PAPPA2: variants seen among roughly 807,000 people sequenced by gnomAD.
The protein encoded by PAPPA2 is pappalysin-2.
A neutral mutation model predicts 176.4 loss-of-function variants in PAPPA2; 86 were observed. The ratio of observed to expected loss-of-function variants is 0.49; its 90% CI spans 0.41 to 0.58. The LOEUF is 0.58. PAPPA2 is among the 20% of genes least tolerant of loss of function. The pLI, the probability that PAPPA2 is intolerant of heterozygous loss-of-function variation, is 0.00. For synonymous variants in PAPPA2, 809 were observed against 852.2 expected, an observed-to-expected ratio of 0.95 and a Z score of 0.88; for missense variants, 2,073 against 2,256.9, an observed-to-expected ratio of 0.92 and a Z score of 1.65.
chr1:176,711,709 C>T, intron 11 of PAPPA2, 126 bp from the exon 12 acceptor site: 1 of 1,077,738 alleles, frequency 9.3e-7, no homozygotes, highest in Non-Finnish European at 1.3e-6. Context: ...AAGTTTTCTG[C>T]CAATAATGTG....
chr1:176,616,183 C>T (rs954384053), intron 3 of PAPPA2: 63 of 363,372 alleles, frequency 1.7e-4, no homozygotes, highest in Non-Finnish European at 3.1e-4. Context: ...TAGACTTACT[C>T]GCTAAGCCAA....
intron 12 of PAPPA2, among the ~76,000 whole-genome samples, chr1:176,723,165 T>C (rs1306135880): frequency 1.3e-5 from 2 of 152,178 alleles, no homozygotes; most frequent in Non-Finnish European, 2.9e-5. Context: ...ATAACTGAAC[T>C]ACTCCCATGA....
intron 21 of PAPPA2, among the ~76,000 whole-genome samples, chr1:176,816,571 T>C (rs1278857715): frequency 6.6e-6 from 1 of 152,022 alleles, no homozygotes; most frequent in African/African-American, 2.4e-5. Context: ...TGTTGACTTA[T>C]TTATCAGCTG....
chr1:176,662,860 T>C (rs555814227), intron 3 of PAPPA2, among the ~76,000 whole-genome samples: 1 of 152,330 alleles, frequency 6.6e-6, no homozygotes, highest in East Asian at 1.9e-4. Context: ...GTTATCAGCC[T>C]GGGCTATTGC....
chr1:176,551,216 G>T (rs1374391968), intron 1 of PAPPA2, among the ~76,000 whole-genome samples: 1 of 152,198 alleles, frequency 6.6e-6, no homozygotes, highest in Non-Finnish European at 1.5e-5. Context: ...GAGCCTTGGA[G>T]TGAAATCTTT....
intron 9 of PAPPA2, 61 bp downstream of exon 9, chr1:176,702,796 AG>A: frequency 2.1e-6 from 3 of 1,424,004 alleles, no homozygotes; most frequent in Non-Finnish European, 2.9e-6. Flanking sequence ...AGAGAGAGAG[AG>A]AGAGAGGGAG....
intron 21 of PAPPA2, among the ~76,000 whole-genome samples, chr1:176,831,642 C>G (rs753462123): frequency 9.2e-5 from 14 of 152,146 alleles, no homozygotes; most frequent in Middle Eastern, 3.2e-3. Context: ...TGTGTGCTTG[C>G]AGTGAGGTAG....
intron 4 of PAPPA2, among the ~76,000 whole-genome samples, chr1:176,688,824 C>A (rs1659966708): frequency 6.6e-6 from 1 of 152,174 alleles, no homozygotes; most frequent in Non-Finnish European, 1.5e-5. Context: ...GCGCCAGATA[C>A]CCTGTGATTG....
intron 3 of PAPPA2, among the ~76,000 whole-genome samples, chr1:176,601,003 T>C (rs1023097610): frequency 1.3e-5 from 2 of 152,200 alleles, no homozygotes; most frequent in Non-Finnish European, 2.9e-5. Flanking sequence ...CTGCTATGGT[T>C]CCAATGTGTC....
intron 12 of PAPPA2, among the ~76,000 whole-genome samples, chr1:176,735,712 CTATCTATCTATCT>C (rs936514014): frequency 8.6e-5 from 13 of 151,644 alleles, no homozygotes; most frequent in African/African-American, 2.7e-4. Flanking sequence ...ATCTATCTAT[CTATCTATCTATCT>C]ATCTATCTAT....
chr1:176,749,978 C>T (rs1268747266), intron 14 of PAPPA2, among the ~76,000 whole-genome samples: 1 of 152,046 alleles, frequency 6.6e-6, no homozygotes, highest in Non-Finnish European at 1.5e-5. Context: ...TTTTAAATGT[C>T]TTTGAATAAA....
chr1:176,804,462 C>G (rs1665810089), intron 21 of PAPPA2, among the ~76,000 whole-genome samples: 2 of 152,144 alleles, frequency 1.3e-5, no homozygotes, highest in Admixed American at 6.6e-5. Flanking sequence ...TAGCCCACAA[C>G]AAAGAATTAT....
intron 1 of PAPPA2, among the ~76,000 whole-genome samples, chr1:176,527,065 G>A (rs1649536155): frequency 6.6e-6 from 1 of 152,138 alleles, no homozygotes; most frequent in African/African-American, 2.4e-5. Flanking sequence ...TCCTGCCTTG[G>A]CCTCCTGAAG....
At chr1:176,770,871 G>A (rs921327657) in intron 16 of PAPPA2, 96 bp from the exon 17 acceptor site, 36 of 1,133,958 alleles carry the variant, frequency 3.2e-5, no homozygotes, top group African/African-American at 1.1e-4. Flanking sequence ...CTTTTGAAAG[G>A]CACCAGTAAG....
chr1:176,722,726 A>T (rs7541961), intron 12 of PAPPA2, among the ~76,000 whole-genome samples: 33,225 of 152,112 alleles, frequency 0.22, 4,190 homozygotes, highest in African/African-American at 0.34. Flanking sequence ...TAGACTTTTA[A>T]GTCCTGACTA....
At chr1:176,780,459 G>A (rs991548703) in intron 17 of PAPPA2, among the ~76,000 whole-genome samples, 1 of 152,162 alleles carries the variant, frequency 6.6e-6, no homozygotes, top group African/African-American at 2.4e-5. Flanking sequence ...GAGGGAAGGA[G>A]AGGTGGAGGG....
At chr1:176,494,887 G>T (rs1647514272) in intron 1 of PAPPA2, among the ~76,000 whole-genome samples, 1 of 152,104 alleles carries the variant, frequency 6.6e-6, no homozygotes, top group African/African-American at 2.4e-5. Flanking sequence ...ACAGATTATG[G>T]GTCAGCTCCC....
intron 14 of PAPPA2, among the ~76,000 whole-genome samples, chr1:176,763,854 T>C (rs772811040): frequency 2.6e-5 from 4 of 151,790 alleles, no homozygotes; most frequent in Non-Finnish European, 4.4e-5. Flanking sequence ...AGAAGGAGAG[T>C]GTCTTAGCTC....
At chr1:176,793,812 T>G in intron 20 of PAPPA2, 143 bp downstream of exon 20, 1 of 602,536 alleles carries the variant, frequency 1.7e-6, no homozygotes, top group Non-Finnish European at 2.8e-6. Context: ...AAAGAAGGAT[T>G]AAACATTGAA....
Sources: allele counts gnomAD v4.1 joint callset (sites outside exome capture counted in the v4.1 genomes callset), GRCh38; gene constraint gnomAD v4.1.1; transcripts MANE v1.5; gene names NCBI Gene and HGNC (gene_info 2026-07-23, HGNC 2026-07-21).